Variants in MYH9 observed in about 807,000 individuals in gnomAD.
The protein encoded by MYH9 is myosin-9.
A neutral mutation model predicts 241.9 loss-of-function variants in MYH9; 29 were observed. That is an observed-to-expected ratio of 0.12 (90% CI 0.09 to 0.16). The LOEUF is 0.16. Ranked by LOEUF, MYH9 falls within the 10% of genes least tolerant of loss-of-function variation. MYH9 has a pLI of 1.00. For synonymous variants in MYH9, 1,047 were observed against 1,062.6 expected (o/e 0.99, Z 0.29); for missense variants, 1,803 against 2,595.5 (o/e 0.69, Z 6.63).
intron 1 of MYH9, among the ~76,000 whole-genome samples, chr22:36,386,223 A>C (rs1017689539): frequency 6.6e-6 from 1 of 151,886 alleles, no homozygotes; most frequent in East Asian, 1.9e-4. Context: ...GTTCTCCCCT[A>C]AGTGCCCATG....
At chr22:36,356,164 GT>G (rs1212504594) in intron 1 of MYH9, among the ~76,000 whole-genome samples, 2 of 152,120 alleles carry the variant, frequency 1.3e-5, no homozygotes, top group Non-Finnish European at 2.9e-5. Context: ...CCCTCTGTTT[GT>G]TTTTTTCCAT....
intron 1 of MYH9, among the ~76,000 whole-genome samples, chr22:36,385,159 G>T (rs1434146160): frequency 1.3e-5 from 2 of 149,542 alleles, no homozygotes; most frequent in African/African-American, 5.0e-5. Flanking sequence ...TCAAGGCACG[G>T]GTTTTTTTTT....
intron 1 of MYH9, among the ~76,000 whole-genome samples, chr22:36,364,618 C>G (rs2017982722): frequency 6.6e-6 from 1 of 152,136 alleles, no homozygotes; most frequent in Non-Finnish European, 1.5e-5. Flanking sequence ...TCACTGATAA[C>G]TATATCTGCC....
chr22:36,302,631 G>A lies in MYH9; in HGVS notation c.2436C>T (p.Leu812=), dbSNP rs2016897490. The change falls in exon 20 of 41, where the codon CTC becomes CTT. Residue 812 remains leucine (L), a synonymous_variant. Transcript: ENST00000216181. ...TCAGGTAGGCAGCGCAGTTCCGCTG[G>A]AGGACCTTCATGGCGGTAAGCTGCT... The part of the protein sequence containing the change: ...RQQQLTAMKV[L]QRNCAAYLKL... 3 of 1,613,672 alleles carry A rather than the reference G, an allele frequency of 1.9e-6. No homozygotes were observed. Among genetic ancestry groups the A allele is most frequent in the Non-Finnish European group, 2.5e-6 (3 of 1,179,968 alleles).
rs545556195 is a variant in MYH9, at chr22:36,285,698, G to A, written c.5234C>T (p.Thr1745Met). The A allele has an allele frequency of 2.3e-5, 37 of 1,613,008 alleles. No individual in the cohort carries two copies. The highest frequency in any genetic ancestry group is 4.5e-5 in the East Asian group (2 of 44,864). The change falls in exon 37 of 41, where the codon ACG (threonine) becomes ATG (methionine). Residue 1745 changes from threonine (T) to methionine (M), a missense_variant. By Grantham distance (81) the Thr-to-Met change is moderately conservative. Coordinates refer to ENST00000216181, the MANE Select transcript of MYH9 (RefSeq NM_002473.6). This position sits in a 1 kb window ranked among gnomAD's most constrained non-coding sequence, Gnocchi z 7.0. The part of the protein sequence containing the change: ...EEELEEEQGN[T>M]ELINDRLKKA... ...CTTCAGCCGGTCGTTGATCAGCTCC[G>A]TGTTGCCCTGCTCCTCCTCCAGCTC...
rs146401386 is a variant in MYH9 at position 36,292,063 on chromosome 22, C to A, written c.4267G>T (p.Asp1423Tyr). The A allele has an allele frequency of 2.5e-6, 4 of 1,614,100 alleles. No individual in the cohort carries two copies. The African/African-American group carries it at 5.3e-5, about 22-fold the overall frequency. Reference sequence around the variant, plus strand: ...TGGTCCAGGTCCACCAGCAGGTCGTCCAGCTCCTGCTGCAGCCGCGTCTTG... The same window carrying A: ...TGGTCCAGGTCCACCAGCAGGTCGTACAGCTCCTGCTGCAGCCGCGTCTTG... ...KTKTRLQQEL[D>Y]DLLVDLDHQR... The change falls in exon 31 of 41, where the codon GAC (aspartate) becomes TAC (tyrosine). Residue 1423 changes from aspartate to tyrosine, a missense_variant. Physicochemically the swap from Asp to Tyr is radical, Grantham distance 160. Transcript: ENST00000216181.
chr22:36,308,553 G>A (rs1324948809), intron 15 of MYH9, among the ~76,000 whole-genome samples: 1 of 152,058 alleles, frequency 6.6e-6, no homozygotes, highest in Non-Finnish European at 1.5e-5. Context: ...GGATTACAGT[G>A]TTTTAAGATT....
rs776610767 is a variant in MYH9, at chr22:36,300,911, C to T, written c.2778G>A (p.Glu926=). Residue 926 remains glutamate, a synonymous_variant, in exon 22 of 41, where the codon GAG becomes GAA. Transcript: ENST00000216181. This position sits in a 1 kb window ranked among gnomAD's most constrained non-coding sequence, Gnocchi z 5.0. Reference sequence around the variant, plus strand: ...GCAGGTGCTGGCAGCGCTCCTCCTCCTCCTCCACCCTGGCCTCTAGGTCAT... The same window carrying T: ...GCAGGTGCTGGCAGCGCTCCTCCTCTTCCTCCACCCTGGCCTCTAGGTCAT... ...ICHDLEARVE[E]EEERCQHLQA... is the part of the protein sequence containing the mutation. The T allele has an allele frequency of 6.2e-7, 1 of 1,608,078 alleles. No individual in the cohort carries two copies. The highest frequency in any genetic ancestry group is 8.5e-7 in the Non-Finnish European group (1 of 1,180,018).
chr22:36,356,672 A>T (rs1469767344), intron 1 of MYH9, among the ~76,000 whole-genome samples: 2 of 152,102 alleles, frequency 1.3e-5, no homozygotes. Flanking sequence ...TCACTTATTC[A>T]ATCAACTAAT....
At chr22:36,298,379 A>C (rs1603483007) in intron 24 of MYH9, among the ~76,000 whole-genome samples, 1 of 151,928 alleles carries the variant, frequency 6.6e-6, no homozygotes, top group South Asian at 2.1e-4. Flanking sequence ...AGGATTTGTC[A>C]CCCTGCCCCA....
chr22:36,371,697 T>C (rs530466692), intron 1 of MYH9, among the ~76,000 whole-genome samples: 6 of 152,146 alleles, frequency 3.9e-5, no homozygotes, highest in Admixed American at 6.6e-5. Flanking sequence ...CCACCATGCC[T>C]GGCTAATTTT....
intron 3 of MYH9, among the ~76,000 whole-genome samples, chr22:36,339,560 T>C (rs1435690743): frequency 6.6e-6 from 1 of 152,208 alleles, no homozygotes; most frequent in East Asian, 1.9e-4. Context: ...ACATAATGCA[T>C]CAAGCTCAAC....
chr22:36,328,023 G>A (rs1376104174), intron 3 of MYH9, among the ~76,000 whole-genome samples: 4 of 152,256 alleles, frequency 2.6e-5, no homozygotes, highest in Admixed American at 6.5e-5. Context: ...CGGGACAGGT[G>A]CGCAGGCTTC....
chr22:36,297,023 C>T lies in MYH9; in HGVS notation c.3101-9G>A. 1.2e-6 allele frequency: 2 copies of T among 1,613,556 alleles called. No individual in the cohort carries two copies. Reference sequence around the variant, plus strand: ...CTCCCTGCGGAGGCGCTCTGCAATGCAGGGGGAGCCCACATAGCCCTCAGT... The same window carrying T: ...CTCCCTGCGGAGGCGCTCTGCAATGTAGGGGGAGCCCACATAGCCCTCAGT... On this transcript the variant is annotated splice_polypyrimidine_tract_variant and intron_variant, in intron 24 of 40. Transcript: ENST00000216181.
At chr22:36,387,770 G>T (rs184601825) in intron 1 of MYH9, 37 bp downstream of exon 1, 6,036 of 152,094 alleles carry the variant, frequency 0.04, 411 homozygotes, top group African/African-American at 0.14. Context: ...GCCCGCCGCC[G>T]CCTGCCCGGG....
At position 36,288,448 on chromosome 22, in the gene MYH9, G is replaced by C; in HGVS notation, c.4771-35C>G. ...GGAACATCAACAACTTGGGAAGCTGGACCCACTGGGAGACCCTGCCCTAGC... is the reference window on the plus strand; with the variant it reads ...GGAACATCAACAACTTGGGAAGCTGCACCCACTGGGAGACCCTGCCCTAGC... On this transcript the variant is annotated intron_variant, in intron 33 of 40. Transcript: ENST00000216181. The surrounding 1 kb of genome is among the most constrained non-coding windows in gnomAD (Gnocchi z 4.8). 6.2e-7 allele frequency: 1 copy of C among 1,603,194 alleles called. No homozygotes were observed.
In MYH9 at chr22:36,288,189, C is replaced by G. The variant is rs1193065600; in HGVS notation, c.4932+63G>C. The G allele has an allele frequency of 1.2e-6, 2 of 1,602,972 alleles. No homozygotes were observed. The highest frequency in any genetic ancestry group is 4.5e-5 in the East Asian group (2 of 44,850). Reference sequence around the variant, plus strand: ...CCCGCCCTGGGCCGAGCCCTGGCACCTTCATATGTAGTTGGCTCAGTCGGG... The same window carrying G: ...CCCGCCCTGGGCCGAGCCCTGGCACGTTCATATGTAGTTGGCTCAGTCGGG... On this transcript the variant is annotated intron_variant, in intron 34 of 40. Transcript: ENST00000216181. This position sits in a 1 kb window ranked among gnomAD's most constrained non-coding sequence, Gnocchi z 4.8.
At chr22:36,296,737 T>C in intron 25 of MYH9, 106 bp downstream of exon 25, 3 of 1,302,004 alleles carry the variant, frequency 2.3e-6, no homozygotes, top group South Asian at 1.5e-5. Flanking sequence ...AAGACAACAG[T>C]GGAAAGAATG....
Position 36,281,532 on chromosome 22 carries a change from G to A in MYH9, c.*1136C>T, listed in dbSNP as rs1007119727. 8.8e-5 allele frequency: 20 copies of A among 227,562 alleles called. No individual in the cohort carries two copies. The highest frequency in any genetic ancestry group is 7.0e-4 in the East Asian group (11 of 15,808). 14.1% of individuals were successfully genotyped at this position (227,562 alleles called of 1,614,324 possible). ...TAAAAAAAAAAAATGCCTTCTTGCC[G>A]TAAGTCTCAATGCAGCATATACAAA... On this transcript the variant is annotated 3_prime_UTR_variant, in exon 41 of 41. Transcript: ENST00000216181.
Sources: allele counts gnomAD v4.1 joint callset (sites outside exome capture counted in the v4.1 genomes callset), GRCh38; gene constraint gnomAD v4.1.1; non-coding constraint Gnocchi (gnomAD v3.1); transcripts MANE v1.5; gene names NCBI Gene and HGNC (gene_info 2026-07-23, HGNC 2026-07-21).